CROCC: variants seen among roughly 807,000 people sequenced by gnomAD.
CROCC encodes ciliary rootlet coiled-coil, rootletin.
Under a neutral mutation model 245.2 loss-of-function variants are expected in CROCC, and 180 were observed. That is an observed-to-expected ratio of 0.73 (90% CI 0.65 to 0.83). The LOEUF (loss-of-function observed/expected upper bound fraction) is 0.83. Ranked by LOEUF, CROCC falls within the 40% of genes least tolerant of loss-of-function variation. The pLI is 0.00. For synonymous variants in CROCC, 1,205 were observed against 1,241.6 expected, an observed-to-expected ratio of 0.97 and a Z score of 0.62; for missense variants, 2,688 against 2,779.4, an observed-to-expected ratio of 0.97 and a Z score of 0.74.
rs2075851507 is a variant in CROCC at position 16,938,896 on chromosome 1, C to T, written c.1375-13C>T. 1 of 1,604,256 alleles carries T rather than the reference C, an allele frequency of 6.2e-7. No individual in the cohort carries two copies. Among genetic ancestry groups the T allele is most frequent in the African/African-American group, 1.3e-5 (1 of 74,408 alleles). ...CTCAGCAGCCTCCTTCTGCCTCCCT[C>T]CCCCACCCTCAGGCCGTCTTGTCAG... On this transcript the variant is annotated splice_polypyrimidine_tract_variant and intron_variant, in intron 11 of 36. Coordinates refer to ENST00000375541, the MANE Select transcript of CROCC (RefSeq NM_014675.5).
Position 16,954,172 on chromosome 1 carries a change from C to G in CROCC, c.3187-51C>G. ...CTAGGCAGCAAGAAGCCTGAGCATG[C>G]CCCCAGGACCAGCCCATCCCCCAAG... is the stretch of plus-strand genomic sequence containing the variant. On this transcript the variant is annotated intron_variant, in intron 21 of 36. Transcript: ENST00000375541. The surrounding 1 kb of genome is among the most constrained non-coding windows in gnomAD (Gnocchi z 4.4). 6.5e-7 allele frequency: 1 copy of G among 1,537,390 alleles called. No individual in the cohort carries two copies. The highest frequency in any genetic ancestry group is 1.4e-5 in the African/African-American group (1 of 72,992).
chr1:16,922,586 G>A, intron 1 of CROCC, 77 bp from the exon 2 acceptor site: 1 of 1,515,130 alleles, frequency 6.6e-7, no homozygotes, highest in South Asian at 1.3e-5. Flanking sequence ...TGGGCAGTAG[G>A]ATTCTGTGGC....
chr1:16,971,477 G>T lies in CROCC; in HGVS notation c.5797G>T (p.Val1933Leu). 1.3e-6 allele frequency: 2 copies of T among 1,535,404 alleles called. No individual in the cohort carries two copies. Among genetic ancestry groups the T allele is most frequent in the South Asian group, 1.2e-5 (1 of 83,888 alleles). Residue 1933 changes from valine (V) to leucine (L), a missense_variant, in exon 36 of 37, where the codon GTG (valine) becomes TTG (leucine). Around this residue, in one of 9 missense-constraint regions of CROCC, gnomAD observed 1,218 missense variants for 1,286.3 expected, o/e 0.95. Transcript: ENST00000375541. ...CCCCTCCCTGCAGGCGCAGGTGGTG[G>T]TGCTGGAGCAGAGCCACAGCCCGGC... ...QIQQLEAQVVVLEQSHSPAQL... is the reference protein window; with the variant it reads ...QIQQLEAQVVLLEQSHSPAQL...
intron 27 of CROCC, among the ~76,000 whole-genome samples, chr1:16,964,484 G>T (rs2076387937): frequency 6.6e-6 from 1 of 151,968 alleles, no homozygotes; most frequent in South Asian, 2.1e-4. Flanking sequence ...CCAGGTCCCA[G>T]TTCAAGCAAT....
chr1:16,953,515 C>T, intron 21 of CROCC, 34 bp downstream of exon 21: 1 of 1,556,476 alleles, frequency 6.4e-7, no homozygotes, highest in South Asian at 1.2e-5. Flanking sequence ...CTGCTGCTCT[C>T]TGAGCTGCTC....
rs796906626 is a variant in CROCC, at chr1:16,939,287, T to TA, written c.1608+145_1608+146insA. 3.2e-4 allele frequency: 244 copies of TA among 763,662 alleles called. No homozygotes were observed. In the African/African-American group the frequency reaches 4.1e-3, roughly 13 times the overall value. The allele number at this position is 763,662 out of a possible 1,614,324, so 47.3% of individuals were successfully genotyped here. A position where few individuals can be genotyped will look rare whatever the true frequency, so the allele number is the denominator to read the frequency against. On this transcript the variant is annotated intron_variant, in intron 12 of 36. Coordinates refer to ENST00000375541, the MANE Select transcript of CROCC (RefSeq NM_014675.5). ...GCGCCCTGGGGTGCAGCCAGAGCCC[T>TA]GAGAAATAGTTTCTGAGGGTGTCAG...
At position 16,964,318 on chromosome 1, in the gene CROCC, CTCTTTTCTTT is replaced by C. The variant is rs58978200; in HGVS notation, c.4406-1392_4406-1383del. Among the ~76,000 whole-genome samples the C allele has an allele frequency of 8.6e-5, 13 of 150,668 alleles. No individual in the cohort carries two copies. In the East Asian group the frequency reaches 2.0e-3, roughly 23 times the overall value. Reference sequence around the variant, plus strand: ...GGGCCACCATGCTCAGCTAATTTTTCTCTTTTCTTTTCTTTTCTTTTCCTTTCTTTTCCTT... The same window carrying C: ...GGGCCACCATGCTCAGCTAATTTTTCTCTTTTCTTTTCCTTTCTTTTCCTT... On this transcript the variant is annotated intron_variant, in intron 27 of 36. Transcript: ENST00000375541.
At chr1:16,962,949 G>C (rs1203238212) in intron 27 of CROCC, among the ~76,000 whole-genome samples, 1 of 151,552 alleles carries the variant, frequency 6.6e-6, no homozygotes, top group Non-Finnish European at 1.5e-5. Flanking sequence ...TGCGAGGCCG[G>C]AGCGGGTGGA....
chr1:16,959,391 C>T (rs1225037915), intron 26 of CROCC, among the ~76,000 whole-genome samples: 4 of 152,226 alleles, frequency 2.6e-5, no homozygotes, highest in African/African-American at 4.8e-5. Flanking sequence ...ACACAGCCAC[C>T]TAAGTCTGTC....
intron 13 of CROCC, among the ~76,000 whole-genome samples, chr1:16,942,675 G>C (rs2075958351): frequency 6.6e-6 from 1 of 152,292 alleles, no homozygotes; most frequent in African/African-American, 2.4e-5. Context: ...TGTGGCTGGG[G>C]GTGGCAGGGT....
At position 16,960,841 on chromosome 1, in the gene CROCC, G is replaced by T; in HGVS notation, c.4116G>T (p.Glu1372Asp). The T allele has an allele frequency of 2.6e-6, 4 of 1,518,746 alleles. No individual in the cohort carries two copies. The highest frequency in any genetic ancestry group is 3.5e-6 in the Non-Finnish European group (4 of 1,139,696). 94.1% of individuals were successfully genotyped at this position (1,518,746 alleles called of 1,614,324 possible). The change falls in exon 27 of 37, where the codon GAG (glutamate) becomes GAT (aspartate). Residue 1372 changes from glutamate (E) to aspartate (D), a missense_variant. Transcript: ENST00000375541. Reference protein sequence around the residue: ...RERRLLGSLEEARGTEKQQLD... With the variant: ...RERRLLGSLEDARGTEKQQLD... ...GACGCCTGCTGGGCTCCCTGGAGGA[G>T]GCGCGTGGCACTGAAAAGCAGCAGC...
At chr1:16,968,122 C>A in intron 30 of CROCC, 81 bp from the exon 31 acceptor site, 3 of 1,414,596 alleles carry the variant, frequency 2.1e-6, no homozygotes, top group Non-Finnish European at 1.9e-6. Flanking sequence ...TCCCCACTTT[C>A]CCCCTAAGGG....
intron 24 of CROCC, 35 bp downstream of exon 24, chr1:16,955,585 C>A: frequency 6.9e-7 from 1 of 1,448,550 alleles, no homozygotes; most frequent in Non-Finnish European, 9.1e-7. Context: ...CCTGAGTCCT[C>A]ATGGGATCCC....
chr1:16,963,948 A>C (rs1030280272), intron 27 of CROCC, among the ~76,000 whole-genome samples: 1 of 151,518 alleles, frequency 6.6e-6, no homozygotes, highest in African/African-American at 2.4e-5. Flanking sequence ...GGCGTGCACC[A>C]CTGCACCCAG....
chr1:16,927,789 C>T (rs559689648), intron 3 of CROCC, among the ~76,000 whole-genome samples: 245 of 152,362 alleles, frequency 1.6e-3, no homozygotes, highest in African/African-American at 4.2e-3. Flanking sequence ...TTGGCACAGA[C>T]GCTTGACAGG....
At chr1:16,953,922 G>A (rs2076206713) in intron 21 of CROCC, 1 of 278,754 alleles carries the variant, frequency 3.6e-6, no homozygotes, top group African/African-American at 3.3e-5. Context: ...GTGTACCTGG[G>A]CGAGTCACTT....
chr1:16,936,107 AG>A (rs1215628149), intron 8 of CROCC, among the ~76,000 whole-genome samples: 1 of 151,890 alleles, frequency 6.6e-6, no homozygotes, highest in Admixed American at 6.6e-5. Flanking sequence ...ATCCCAGTGT[AG>A]GGTTTTTTTT....
intron 10 of CROCC, 136 bp downstream of exon 10, chr1:16,937,873 T>C: frequency 3.9e-6 from 3 of 767,352 alleles, no homozygotes; most frequent in Non-Finnish European, 4.4e-6. Context: ...CTCACAGGTG[T>C]GCAGGCTTTG....
chr1:16,938,675 G>A (rs967308455), intron 11 of CROCC, among the ~76,000 whole-genome samples, 192 bp downstream of exon 11: 16 of 152,286 alleles, frequency 1.1e-4, no homozygotes, highest in African/African-American at 3.9e-4. Flanking sequence ...GGGGAGGCAC[G>A]ACCCTTTGGG....
Sources: allele counts gnomAD v4.1 joint callset (sites outside exome capture counted in the v4.1 genomes callset), GRCh38; gene constraint gnomAD v4.1.1; regional missense constraint gnomAD v4.1.1; non-coding constraint Gnocchi (gnomAD v3.1); transcripts MANE v1.5; gene names NCBI Gene and HGNC (gene_info 2026-07-23, HGNC 2026-07-21).